The following STXBP5L variants were observed in gnomAD, a reference collection of about 807,000 sequenced individuals.
The protein encoded by STXBP5L is syntaxin-binding protein 5-like.
A neutral mutation model predicts 144.5 loss-of-function variants in STXBP5L; 65 were observed. The observed-to-expected ratio is 0.45, with a 90% CI of 0.37 to 0.55. The LOEUF (loss-of-function observed/expected upper bound fraction) is 0.55. Ranked by LOEUF, STXBP5L falls within the 20% of genes least tolerant of loss-of-function variation. STXBP5L has a pLI of 0.00. For synonymous variants in STXBP5L, 505 were observed against 469.6 expected (o/e 1.08, Z -0.97); for missense variants, 1,298 against 1,405.5 (o/e 0.92, Z 1.22).
intron 9 of STXBP5L, among the ~76,000 whole-genome samples, chr3:121,169,750 G>C (rs199950652): frequency 1.3e-5 from 2 of 152,178 alleles, no homozygotes; most frequent in East Asian, 3.8e-4. Context: ...AATAGTGGGA[G>C]GCTTCAACAC....
intron 5 of STXBP5L, among the ~76,000 whole-genome samples, chr3:121,046,043 A>T (rs147572400): frequency 6.6e-6 from 1 of 152,022 alleles, no homozygotes; most frequent in Non-Finnish European, 1.5e-5. Context: ...TGTTCCTTTA[A>T]TGTCTAGTTT....
At chr3:121,336,761 C>A (rs1315455243) in intron 20 of STXBP5L, among the ~76,000 whole-genome samples, 1 of 152,026 alleles carries the variant, frequency 6.6e-6, no homozygotes, top group African/African-American at 2.4e-5. Flanking sequence ...AGGTATATAT[C>A]CAAAGGAATA....
chr3:121,011,957 A>G (rs962330744), intron 3 of STXBP5L, among the ~76,000 whole-genome samples: 4 of 151,774 alleles, frequency 2.6e-5, no homozygotes, highest in Non-Finnish European at 4.4e-5. Flanking sequence ...TTAGACAGTC[A>G]CTTTCTATTT....
At chr3:121,112,136 C>A (rs1025554156) in intron 5 of STXBP5L, among the ~76,000 whole-genome samples, 2 of 151,956 alleles carry the variant, frequency 1.3e-5, no homozygotes, top group East Asian at 1.9e-4. Context: ...CCCCTCCCCC[C>A]AGGACTCAGT....
chr3:121,314,604 AGG>A (rs1280170879), intron 19 of STXBP5L, among the ~76,000 whole-genome samples: 4 of 144,032 alleles, frequency 2.8e-5, no homozygotes, highest in South Asian at 4.7e-4. Context: ...GGAGAGGGAG[AGG>A]GAGAGGGAGA....
intron 3 of STXBP5L, among the ~76,000 whole-genome samples, chr3:120,967,062 G>A (rs1939667141): frequency 6.6e-6 from 1 of 152,096 alleles, no homozygotes; most frequent in African/African-American, 2.4e-5. Context: ...AGACTGCTGT[G>A]CTAGCAGTGA....
intron 5 of STXBP5L, among the ~76,000 whole-genome samples, chr3:121,097,539 C>T (rs1032386502): frequency 2.0e-5 from 3 of 152,138 alleles, no homozygotes; most frequent in Non-Finnish European, 2.9e-5. Context: ...CAGGCTCAGT[C>T]CCTCATGGCT....
chr3:121,048,935 G>A (rs985725692), intron 5 of STXBP5L, among the ~76,000 whole-genome samples: 1 of 152,110 alleles, frequency 6.6e-6, no homozygotes, highest in Admixed American at 6.6e-5. Flanking sequence ...CTAGAGGTTT[G>A]TATCGGTCCC....
Position 121,205,991 on chromosome 3 carries a change from T to A in STXBP5L, c.946T>A (p.Cys316Ser). 6.7e-7 allele frequency: 1 copy of A among 1,502,902 alleles called. No homozygotes were observed. The highest frequency in any genetic ancestry group is 8.8e-7 in the Non-Finnish European group (1 of 1,130,244). The allele number at this position is 1,502,902 out of a possible 1,614,324, so 93.1% of individuals were successfully genotyped here. A position where few individuals can be genotyped will look rare whatever the true frequency, so the allele number is the denominator to read the frequency against. The change falls in exon 10 of 27, where the codon TGC (cysteine) becomes AGC (serine). Residue 316 changes from cysteine to serine, a missense_variant. Cys to Ser is a moderately radical substitution (Grantham distance 112, BLOSUM62 -1). Transcript: ENST00000471454. The stretch of plus-strand genomic sequence containing the variant: ...AATTCTTAAAGTAGAATACAAGACC[T>A]GCAAAAACAGGTATGCATTTTTACT... ...KPILKVEYKT[C>S]KNSEPFIIFS...
intron 5 of STXBP5L, among the ~76,000 whole-genome samples, chr3:121,077,417 T>C (rs1387177560): frequency 6.6e-6 from 1 of 152,076 alleles, no homozygotes; most frequent in African/African-American, 2.4e-5. Context: ...GTTCGGAGTT[T>C]CTTCCTTCTG....
intron 5 of STXBP5L, among the ~76,000 whole-genome samples, chr3:121,054,575 T>C (rs1224469401): frequency 8.7e-6 from 1 of 115,194 alleles, no homozygotes; most frequent in Non-Finnish European, 1.6e-5. Flanking sequence ...AACATCACAC[T>C]CCAGGGCCTG....
At chr3:121,399,529 C>T (rs1406673488) in intron 22 of STXBP5L, among the ~76,000 whole-genome samples, 1 of 152,206 alleles carries the variant, frequency 6.6e-6, no homozygotes, top group Non-Finnish European at 1.5e-5. Context: ...TTATCAACAG[C>T]AAGCCAGTCA....
chr3:121,318,532 C>T lies in STXBP5L; in HGVS notation c.2168C>T (p.Pro723Leu). The T allele has an allele frequency of 1.3e-6, 2 of 1,554,038 alleles. No individual in the cohort carries two copies. The highest frequency in any genetic ancestry group is 1.7e-6 in the Non-Finnish European group (2 of 1,149,258). ...CTAGAACTTGAGCGCTGCAAGTCTCCTACCTCAGGTAAACATGAGTGGTAT... is the reference window on the plus strand; with the variant it reads ...CTAGAACTTGAGCGCTGCAAGTCTCTTACCTCAGGTAAACATGAGTGGTAT... ...VPLELERCKSPTSDHVNGHCT... is the reference protein window; with the variant it reads ...VPLELERCKSLTSDHVNGHCT... Residue 723 changes from proline (P) to leucine (L), a missense_variant, in exon 20 of 27, where the codon CCT becomes CTT. By Grantham distance (98) the Pro-to-Leu change is moderately conservative (BLOSUM62 -3). Coordinates refer to ENST00000471454, the MANE Select transcript of STXBP5L (RefSeq NM_001308330.2).
intron 5 of STXBP5L, among the ~76,000 whole-genome samples, chr3:121,063,790 G>C (rs1179023129): frequency 6.6e-6 from 1 of 151,662 alleles, no homozygotes; most frequent in Non-Finnish European, 1.5e-5. Flanking sequence ...TGTTTACACT[G>C]TCAGCAGAAA....
chr3:121,253,352 C>T (rs1005417057), intron 15 of STXBP5L, among the ~76,000 whole-genome samples: 3 of 151,376 alleles, frequency 2.0e-5, no homozygotes, highest in African/African-American at 7.3e-5. Flanking sequence ...CTCTTTATCT[C>T]TTCCTTCCAT....
chr3:121,065,738 A>G (rs1381414354), intron 5 of STXBP5L, among the ~76,000 whole-genome samples: 1 of 152,138 alleles, frequency 6.6e-6, no homozygotes, highest in African/African-American at 2.4e-5. Context: ...TAAAAAATAT[A>G]TATTATTAGC....
At chr3:121,304,072 A>T (rs796406391) in intron 19 of STXBP5L, among the ~76,000 whole-genome samples, 4 of 152,246 alleles carry the variant, frequency 2.6e-5, no homozygotes, top group African/African-American at 9.6e-5. Context: ...AAAGAATTCC[A>T]TGAAAACACT....
chr3:121,154,804 T>C (rs1422001005), intron 8 of STXBP5L, among the ~76,000 whole-genome samples: 1 of 151,848 alleles, frequency 6.6e-6, no homozygotes, highest in Non-Finnish European at 1.5e-5. Context: ...AACCTCCTTC[T>C]ATGTTTTCTT....
At chr3:121,154,047 T>C (rs1175585851) in intron 8 of STXBP5L, among the ~76,000 whole-genome samples, 1 of 151,830 alleles carries the variant, frequency 6.6e-6, no homozygotes, top group Non-Finnish European at 1.5e-5. Flanking sequence ...CTGAATCATC[T>C]AGCTTTCCTA....
Sources: gnomAD v4.1 joint callset for allele counts (sites outside exome capture counted in the v4.1 genomes callset) on GRCh38, gnomAD v4.1.1 for gene constraint, MANE v1.5 for transcripts, NCBI Gene and HGNC (gene_info 2026-07-23, HGNC 2026-07-21) for gene names.